Variants in KDM4C observed in about 807,000 individuals in gnomAD.
KDM4C encodes lysine-specific demethylase 4C.
KDM4C carries 81 observed loss-of-function variants against 129.3 expected under a neutral mutation model. The ratio of observed to expected loss-of-function variants is 0.63; its 90% CI spans 0.52 to 0.75. The LOEUF (loss-of-function observed/expected upper bound fraction) is 0.75, where lower values mean the gene tolerates loss of function less well. Ranked by LOEUF, KDM4C falls within the 30% of genes least tolerant of loss-of-function variation. KDM4C has a pLI of 0.00. For missense variants in KDM4C, 1,457 were observed against 1,304.0 expected (o/e 1.12, Z -1.81); for synonymous variants, 573 against 456.1 (o/e 1.26, Z -3.26).
intron 8 of KDM4C, among the ~76,000 whole-genome samples, chr9:6,921,663 A>G (rs897626968): frequency 2.0e-5 from 3 of 152,180 alleles, no homozygotes; most frequent in African/African-American, 7.2e-5. Flanking sequence ...CTTTAAAACC[A>G]TTTGTCAGAT....
At chr9:6,782,250 C>T (rs1028192723) in intron 1 of KDM4C, among the ~76,000 whole-genome samples, 1 of 152,014 alleles carries the variant, frequency 6.6e-6, no homozygotes. Flanking sequence ...GGAGTGTTGC[C>T]CAAAAAGCTT....
At chr9:6,761,252 G>T (rs1434401707) in intron 1 of KDM4C, among the ~76,000 whole-genome samples, 1 of 151,858 alleles carries the variant, frequency 6.6e-6, no homozygotes, top group African/African-American at 2.4e-5. Context: ...CAGGTGATCC[G>T]CCCACCTTGG....
intron 15 of KDM4C, among the ~76,000 whole-genome samples, chr9:7,030,426 A>C (rs1470332281): frequency 6.6e-6 from 1 of 152,196 alleles, no homozygotes; most frequent in Non-Finnish European, 1.5e-5. Context: ...CATAGAATGT[A>C]CAACACCAAG....
chr9:6,731,710 T>G (rs548692715), intron 1 of KDM4C, among the ~76,000 whole-genome samples: 45 of 152,284 alleles, frequency 3.0e-4, no homozygotes, highest in African/African-American at 1.1e-3. Context: ...CCTTCCATAA[T>G]TTTGTTTAAA....
At chr9:7,152,446 C>T (rs761337163) in intron 19 of KDM4C, among the ~76,000 whole-genome samples, 13 of 152,198 alleles carry the variant, frequency 8.5e-5, no homozygotes, top group African/African-American at 2.9e-4. Context: ...TATATATGTC[C>T]ACGAAAGAAA....
chr9:6,791,335 A>C (rs1335716645), intron 1 of KDM4C, among the ~76,000 whole-genome samples: 4 of 151,626 alleles, frequency 2.6e-5, no homozygotes, highest in Non-Finnish European at 4.4e-5. Context: ...GTGGTCTTGA[A>C]CTCCTGGCCT....
chr9:7,048,010 A>C (rs566642994), intron 16 of KDM4C, among the ~76,000 whole-genome samples: 8 of 152,170 alleles, frequency 5.3e-5, no homozygotes, highest in African/African-American at 1.9e-4. Flanking sequence ...TTACATTAAT[A>C]AAATTTGTTG....
chr9:6,959,336 C>T (rs1274805814), intron 8 of KDM4C, among the ~76,000 whole-genome samples: 1 of 152,196 alleles, frequency 6.6e-6, no homozygotes, highest in Non-Finnish European at 1.5e-5. Context: ...AAGTGTTGGT[C>T]TGTTTCTTTG....
intron 15 of KDM4C, among the ~76,000 whole-genome samples, chr9:7,040,940 A>G (rs1828490349): frequency 1.3e-5 from 2 of 149,660 alleles, no homozygotes; most frequent in African/African-American, 4.9e-5. Flanking sequence ...GTTGTGGAAA[A>G]TTTTCTGTCA....
chr9:6,803,838 ATTTG>A (rs1169742784), intron 2 of KDM4C, among the ~76,000 whole-genome samples: 3 of 151,628 alleles, frequency 2.0e-5, no homozygotes, highest in South Asian at 2.1e-4. Flanking sequence ...AATTTAATTT[ATTTG>A]TTTATGAGAT....
intron 4 of KDM4C, among the ~76,000 whole-genome samples, chr9:6,821,958 G>C (rs915856565): frequency 1.3e-5 from 2 of 152,122 alleles, no homozygotes; most frequent in African/African-American, 4.8e-5. Flanking sequence ...TTCTGCTGCT[G>C]CTTTCAGAGC....
chr9:6,900,479 T>G (rs1026177251), intron 8 of KDM4C, among the ~76,000 whole-genome samples: 1 of 152,190 alleles, frequency 6.6e-6, no homozygotes, highest in Non-Finnish European at 1.5e-5. Context: ...ATTCCTAAAG[T>G]CAGTGGAGCC....
chr9:6,810,010 C>G (rs1830847447), intron 3 of KDM4C, among the ~76,000 whole-genome samples: 1 of 151,326 alleles, frequency 6.6e-6, no homozygotes, highest in Admixed American at 6.6e-5. Context: ...AATAAAATTT[C>G]AAATATAGCC....
intron 19 of KDM4C, among the ~76,000 whole-genome samples, chr9:7,155,512 C>T (rs994175414): frequency 3.9e-5 from 6 of 152,102 alleles, no homozygotes; most frequent in African/African-American, 1.4e-4. Flanking sequence ...CCCGCATCCC[C>T]CCACCCCTCA....
chr9:6,770,764 A>ATTTTT (rs1821631539), intron 1 of KDM4C, among the ~76,000 whole-genome samples: 1 of 38,202 alleles, frequency 2.6e-5, no homozygotes, highest in African/African-American at 1.1e-4. Context: ...TGCGATTTTG[A>ATTTTT]TCCTTTTTTT....
At chr9:6,862,977 A>T (rs1024081902) in intron 5 of KDM4C, among the ~76,000 whole-genome samples, 1 of 152,108 alleles carries the variant, frequency 6.6e-6, no homozygotes, top group Non-Finnish European at 1.5e-5. Flanking sequence ...GGATGGTGTA[A>T]TTATCATTTA....
chr9:7,125,080 T>A (rs1839896898), intron 18 of KDM4C, among the ~76,000 whole-genome samples: 1 of 152,068 alleles, frequency 6.6e-6, no homozygotes, highest in South Asian at 2.1e-4. Context: ...AGAATAACAT[T>A]TAGATTCCCT....
intron 20 of KDM4C, among the ~76,000 whole-genome samples, chr9:7,168,861 A>G (rs1844666348): frequency 6.6e-6 from 1 of 152,024 alleles, no homozygotes; most frequent in Non-Finnish European, 1.5e-5. Flanking sequence ...GTCTAGTCAG[A>G]CCTTATCTCT....
chr9:6,837,456 C>G (rs889286038), intron 4 of KDM4C, among the ~76,000 whole-genome samples: 2 of 152,180 alleles, frequency 1.3e-5, no homozygotes, highest in Non-Finnish European at 2.9e-5. Flanking sequence ...GCAGCCATCA[C>G]CAGTCTAGTC....
Sources: gnomAD v4.1 joint callset for allele counts (sites outside exome capture counted in the v4.1 genomes callset) on GRCh38, gnomAD v4.1.1 for gene constraint, MANE v1.5 for transcripts, NCBI Gene and HGNC (gene_info 2026-07-23, HGNC 2026-07-21) for gene names.